The following PLD1 variants were observed in gnomAD, a reference collection of about 807,000 sequenced individuals.
PLD1 encodes the protein phospholipase D1.
PLD1 carries 112 observed loss-of-function variants against 137.1 expected under a neutral mutation model. The observed-to-expected ratio is 0.82, with a 90% CI of 0.70 to 0.96. The LOEUF (loss-of-function observed/expected upper bound fraction) is 0.96, where lower values mean the gene tolerates loss of function less well. PLD1 is among the 40% of genes least tolerant of loss of function. The pLI is 0.00. For missense variants in PLD1, 1,321 were observed against 1,342.0 expected, an observed-to-expected ratio of 0.98 and a Z score of 0.24; for synonymous variants, 431 against 454.7, an observed-to-expected ratio of 0.95 and a Z score of 0.66.
At position 171,738,043 on chromosome 3, in the gene PLD1, C is replaced by T. The variant is rs776925009; in HGVS notation, c.9G>A (p.Leu3=). The change falls in exon 2 of 27, where the codon CTG becomes CTA. Residue 3 remains leucine (L), a synonymous_variant. Coordinates refer to ENST00000351298, the MANE Select transcript of PLD1 (RefSeq NM_002662.5). ...AGGTATTTACCCGTGGCTCGTTTTT[C>T]AGTGACATGTTAACTTTGGACAGAG... The part of the protein sequence containing the change: MS[L]KNEPRVNTSA... 3 of 1,612,588 alleles carry T rather than the reference C, an allele frequency of 1.9e-6. No homozygotes were observed. Among genetic ancestry groups the T allele is most frequent in the Non-Finnish European group, 2.5e-6 (3 of 1,179,346 alleles).
At chr3:171,809,630 T>G (rs1327039064) in intron 1 of PLD1, 1 of 152,180 alleles carries the variant, frequency 6.6e-6, no homozygotes, top group East Asian at 1.9e-4. Context: ...AAGAAAGCAA[T>G]AATCCGAGAT....
intron 24 of PLD1, among the ~76,000 whole-genome samples, chr3:171,614,548 C>T (rs1016350330): frequency 6.6e-6 from 1 of 152,176 alleles, no homozygotes; most frequent in African/African-American, 2.4e-5. Flanking sequence ...CTTGTTAACT[C>T]TACAATAACT....
chr3:171,603,825 T>C (rs1176481369), intron 26 of PLD1, among the ~76,000 whole-genome samples: 2 of 152,196 alleles, frequency 1.3e-5, no homozygotes, highest in African/African-American at 2.4e-5. Flanking sequence ...ATCACAGCAC[T>C]ATTCTCACAC....
At chr3:171,713,445 C>T (rs1717425952) in intron 9 of PLD1, among the ~76,000 whole-genome samples, 1 of 152,186 alleles carries the variant, frequency 6.6e-6, no homozygotes, top group African/African-American at 2.4e-5. Context: ...CACTGCACTC[C>T]AGTCTGGGTG....
intron 11 of PLD1, among the ~76,000 whole-genome samples, chr3:171,705,444 A>T (rs914837821): frequency 1.3e-5 from 2 of 152,180 alleles, no homozygotes; most frequent in Admixed American, 1.3e-4. Context: ...GAGATGGAAA[A>T]TTTCTCAACA....
In PLD1 at chr3:171,646,142, G is replaced by A. The variant is rs556390719; in HGVS notation, c.2430-1119C>T. 2.0e-4 allele frequency among the ~76,000 whole-genome samples: 31 copies of A among 152,196 alleles called. 1 individual carries two copies. The South Asian group carries it at 5.8e-3, about 29-fold the overall frequency. On this transcript the variant is annotated intron_variant, in intron 21 of 26. Coordinates refer to ENST00000351298, the MANE Select transcript of PLD1 (RefSeq NM_002662.5). ...TTATTCAGAATCAAAAGCTATTAAC[G>A]TTCTTGTCTCTATTTATAGGATATA...
intron 25 of PLD1, among the ~76,000 whole-genome samples, chr3:171,610,124 A>AT (rs1193243192): frequency 6.6e-6 from 1 of 152,198 alleles, no homozygotes; most frequent in Non-Finnish European, 1.5e-5. Flanking sequence ...ATTGCCAGTG[A>AT]TATAATAAGA....
intron 24 of PLD1, 110 bp downstream of exon 24, chr3:171,620,276 A>T: frequency 1.5e-6 from 1 of 687,938 alleles, no homozygotes; most frequent in Non-Finnish European, 2.4e-6. Flanking sequence ...TTATGGTGTT[A>T]CTGTCTGTTT....
intron 9 of PLD1, among the ~76,000 whole-genome samples, chr3:171,711,219 G>A (rs1414114494): frequency 7.4e-6 from 1 of 135,008 alleles, no homozygotes; most frequent in African/African-American, 2.8e-5. Flanking sequence ...TCACCAGGCT[G>A]GAGTGCAGTG....
chr3:171,640,731 C>T (rs9836954), intron 23 of PLD1, among the ~76,000 whole-genome samples: 12,045 of 152,216 alleles, frequency 0.079, 1,354 homozygotes, highest in African/African-American at 0.25. Flanking sequence ...TTCCTGAGCA[C>T]GTGCATTGCC....
chr3:171,724,524 A>G (rs987652428), intron 8 of PLD1, among the ~76,000 whole-genome samples, 172 bp downstream of exon 8: 2 of 152,198 alleles, frequency 1.3e-5, no homozygotes, highest in Non-Finnish European at 2.9e-5. Flanking sequence ...CTACAAGTTC[A>G]GCTTTGGGTA....
chr3:171,674,709 G>A (rs1713153083), intron 18 of PLD1, 96 bp from the exon 19 acceptor site: 4 of 655,390 alleles, frequency 6.1e-6, no homozygotes, highest in South Asian at 5.5e-5. Flanking sequence ...CAGGTGCAGT[G>A]GCTCACGCCT....
At chr3:171,788,395 T>C (rs1723093697) in intron 1 of PLD1, among the ~76,000 whole-genome samples, 1 of 151,068 alleles carries the variant, frequency 6.6e-6, no homozygotes, top group African/African-American at 2.4e-5. Context: ...GTAACAACAA[T>C]ACAGAGGTGA....
chr3:171,710,539 C>G (rs1380079540), intron 9 of PLD1, among the ~76,000 whole-genome samples: 1 of 152,212 alleles, frequency 6.6e-6, no homozygotes, highest in Admixed American at 6.5e-5. Context: ...GAATCTGATG[C>G]TGTGGCTGAT....
At chr3:171,663,312 T>C (rs1711715500) in intron 19 of PLD1, among the ~76,000 whole-genome samples, 1 of 152,216 alleles carries the variant, frequency 6.6e-6, no homozygotes, top group Non-Finnish European at 1.5e-5. Context: ...GAATATAGGT[T>C]ATATACACTG....
intron 12 of PLD1, among the ~76,000 whole-genome samples, chr3:171,699,008 T>C (rs2108539945): frequency 6.6e-6 from 1 of 151,012 alleles, no homozygotes; most frequent in East Asian, 1.9e-4. Flanking sequence ...TAAGACAGTT[T>C]CTGATAATAG....
chr3:171,637,310 AC>A (rs1735211110), intron 23 of PLD1, among the ~76,000 whole-genome samples: 1 of 152,182 alleles, frequency 6.6e-6, no homozygotes, highest in Admixed American at 6.5e-5. Context: ...ATCTTGGCTC[AC>A]TGCAACCTCA....
At chr3:171,768,949 A>G (rs1172803082) in intron 1 of PLD1, among the ~76,000 whole-genome samples, 1 of 152,266 alleles carries the variant, frequency 6.6e-6, no homozygotes, top group Non-Finnish European at 1.5e-5. Context: ...AACAAAATTA[A>G]GCCAGTCCAG....
chr3:171,794,073 G>C (rs1479419160), intron 1 of PLD1: 1 of 152,010 alleles, frequency 6.6e-6, no homozygotes, highest in East Asian at 1.9e-4. Flanking sequence ...GAACCTGGGA[G>C]GTGGAGGTTG....
Sources: allele counts gnomAD v4.1 joint callset (sites outside exome capture counted in the v4.1 genomes callset), GRCh38; gene constraint gnomAD v4.1.1; transcripts MANE v1.5; gene names NCBI Gene and HGNC (gene_info 2026-07-23, HGNC 2026-07-21).